The following FAM200C variants were observed in gnomAD, a reference collection of about 807,000 sequenced individuals.
the FAM200C span, chr5:160,394,866 G>A: frequency 6.2e-7 from 1 of 1,612,868 alleles, no homozygotes. Flanking sequence ...AGCTGCAATG[G>A]TTCACAGAAG....
the FAM200C span, chr5:160,395,264 C>T: frequency 1.9e-6 from 3 of 1,613,972 alleles, no homozygotes; most frequent in Non-Finnish European, 2.5e-6. Flanking sequence ...CAAGGTTTCA[C>T]TCTGATCAGA....
chr5:160,396,578 C>G, the FAM200C span, among the ~76,000 whole-genome samples: 5 of 151,738 alleles, frequency 3.3e-5, no homozygotes, highest in Admixed American at 2.0e-4. Context: ...TGGTGAAACC[C>G]CATCTCTACT....
At chr5:160,394,726 A>G in the FAM200C span, 2 of 1,614,196 alleles carry the variant, frequency 1.2e-6, no homozygotes, top group Non-Finnish European at 8.5e-7. Context: ...CGTAGGCAAC[A>G]AACTCGGAAT....
chr5:160,394,783 T>G, the FAM200C span: 3 of 1,613,896 alleles, frequency 1.9e-6, no homozygotes, highest in South Asian at 2.2e-5. Flanking sequence ...CAGAGCCACA[T>G]ACATCAAGTG....
chr5:160,393,718 C>A, the FAM200C span: 13 of 1,549,220 alleles, frequency 8.4e-6, no homozygotes, highest in African/African-American at 1.8e-4. Context: ...ACAGTGACTT[C>A]TGCTGTAGCT....
the FAM200C span, chr5:160,393,799 C>T: frequency 1.3e-6 from 2 of 1,595,858 alleles, no homozygotes; most frequent in Non-Finnish European, 1.7e-6. Flanking sequence ...TATCATCACT[C>T]AGATTAAAGC....
At chr5:160,397,114 AC>A in the FAM200C span, among the ~76,000 whole-genome samples, 1 of 152,228 alleles carries the variant, frequency 6.6e-6, no homozygotes, top group Non-Finnish European at 1.5e-5. Flanking sequence ...TCCCTGCACT[AC>A]CTTAGAACTA....
At chr5:160,394,280 T>G in the FAM200C span, 3 of 1,613,806 alleles carry the variant, frequency 1.9e-6, no homozygotes, top group Non-Finnish European at 2.5e-6. Flanking sequence ...AGCAGATAAC[T>G]TCTCTCTAGC....
the FAM200C span, chr5:160,394,044 C>T: frequency 3.3e-3 from 5,358 of 1,610,816 alleles, 22 homozygotes; most frequent in Non-Finnish European, 3.4e-3. Flanking sequence ...TCAACAAAAT[C>T]GATATTAAAA....
At chr5:160,396,429 T>C in the FAM200C span, among the ~76,000 whole-genome samples, 1 of 152,064 alleles carries the variant, frequency 6.6e-6, no homozygotes, top group African/African-American at 2.4e-5. Context: ...TAACACACTA[T>C]CAGTCCATGA....
chr5:160,396,696 TG>T, the FAM200C span, among the ~76,000 whole-genome samples: 45,755 of 110,004 alleles, frequency 0.42, 9,356 homozygotes, highest in Admixed American at 0.46. Context: ...CAAGTCTCTG[TG>T]GAAAAAAAAA....
At chr5:160,393,864 G>C in the FAM200C span, 1 of 1,614,018 alleles carries the variant, frequency 6.2e-7, no homozygotes, top group Non-Finnish European at 8.5e-7. Context: ...AACTCACAAA[G>C]GTATGTAGTT....
the FAM200C span, chr5:160,395,266 C>T: frequency 6.2e-7 from 1 of 1,614,106 alleles, no homozygotes; most frequent in Non-Finnish European, 8.5e-7. Flanking sequence ...AGGTTTCACT[C>T]TGATCAGATG....
the FAM200C span, chr5:160,393,504 T>C: frequency 5.3e-6 from 3 of 569,768 alleles, no homozygotes; most frequent in Admixed American, 1.0e-4. Context: ...AATCTCATGA[T>C]AGCAACTAGG....
chr5:160,395,677 T>C, the FAM200C span: 5 of 609,368 alleles, frequency 8.2e-6, no homozygotes, highest in Non-Finnish European at 1.4e-5. Flanking sequence ...TGACAGGATA[T>C]AGTTCAACTT....
At chr5:160,394,980 T>A in the FAM200C span, 1 of 1,613,866 alleles carries the variant, frequency 6.2e-7, no homozygotes, top group Non-Finnish European at 8.5e-7. Context: ...ATACCCACTT[T>A]AAGAGGACTG....
At chr5:160,394,233 C>A in the FAM200C span, 1 of 1,612,208 alleles carries the variant, frequency 6.2e-7, no homozygotes, top group South Asian at 1.1e-5. Flanking sequence ...TTTCTTTTCT[C>A]AATTCGTTTT....
At chr5:160,393,353 C>G in the FAM200C span, 1 of 193,550 alleles carries the variant, frequency 5.2e-6, no homozygotes, top group Admixed American at 5.9e-5. Flanking sequence ...TTTCATTTTG[C>G]CTTTTTGACT....
chr5:160,394,802 T>C, the FAM200C span: 2 of 1,613,836 alleles, frequency 1.2e-6, no homozygotes, highest in South Asian at 1.1e-5. Flanking sequence ...TGCTATCTTA[T>C]GCTTCAGAAA....
Sources: gnomAD v4.1 joint callset for allele counts (sites outside exome capture counted in the v4.1 genomes callset) on GRCh38, gnomAD v4.1.1 for gene constraint, MANE v1.5 for transcripts.